CWF19L2: variants seen among roughly 807,000 people sequenced by gnomAD.
CWF19L2 encodes the protein CWF19 like cell cycle control factor 2.
Under a neutral mutation model 111.7 loss-of-function variants are expected in CWF19L2, and 98 were observed. The ratio of observed to expected loss-of-function variants is 0.88; its 90% CI spans 0.75 to 1.04. The LOEUF is 1.04. Among genes scored for constraint, CWF19L2 ranks in the 50% least tolerant of loss-of-function variants. The pLI is 0.00. For missense variants in CWF19L2, 1,101 were observed against 1,051.4 expected, an observed-to-expected ratio of 1.05 and a Z score of -0.65; for synonymous variants, 351 against 342.9, an observed-to-expected ratio of 1.02 and a Z score of -0.26.
At chr11:107,407,210 A>T (rs575748567) in intron 10 of CWF19L2, among the ~76,000 whole-genome samples, 9 of 152,258 alleles carry the variant, frequency 5.9e-5, no homozygotes, top group African/African-American at 1.9e-4. Flanking sequence ...TTCAGTTTTT[A>T]TAAAGCACAT....
intron 14 of CWF19L2, among the ~76,000 whole-genome samples, chr11:107,338,045 C>G (rs1424029868): frequency 6.6e-6 from 1 of 152,028 alleles, no homozygotes; most frequent in Non-Finnish European, 1.5e-5. Context: ...CTTCTGTTAC[C>G]CTTTTACTTT....
chr11:107,399,483 A>G (rs553636500), intron 10 of CWF19L2, among the ~76,000 whole-genome samples: 2 of 152,360 alleles, frequency 1.3e-5, no homozygotes, highest in East Asian at 1.9e-4. Flanking sequence ...AAAGAGGGAC[A>G]GTATATAATG....
At chr11:107,386,068 T>A (rs932590394) in intron 12 of CWF19L2, among the ~76,000 whole-genome samples, 1 of 152,224 alleles carries the variant, frequency 6.6e-6, no homozygotes, top group Admixed American at 6.5e-5. Context: ...ATAGCATATA[T>A]AGGGGTTTGG....
chr11:107,348,689 A>G, intron 14 of CWF19L2: 1 of 214,182 alleles, frequency 4.7e-6, no homozygotes, highest in Admixed American at 5.6e-5. Context: ...GATTTTTTTA[A>G]GTAAAAATAA....
intron 16 of CWF19L2, among the ~76,000 whole-genome samples, chr11:107,331,091 T>G (rs760112188): frequency 6.6e-6 from 1 of 152,182 alleles, no homozygotes; most frequent in Admixed American, 6.5e-5. Flanking sequence ...ACATTAAATA[T>G]GGAGAAATGG....
intron 10 of CWF19L2, chr11:107,403,951 C>A: frequency 4.5e-6 from 4 of 888,688 alleles, no homozygotes; most frequent in South Asian, 1.3e-5. Flanking sequence ...TAAGGACCTG[C>A]ATTCTAGCTG....
At chr11:107,420,312 A>G (rs1861285757) in intron 8 of CWF19L2, among the ~76,000 whole-genome samples, 1 of 152,156 alleles carries the variant, frequency 6.6e-6, no homozygotes, top group Non-Finnish European at 1.5e-5. Flanking sequence ...TTAAACATAA[A>G]AGGATAGAAA....
chr11:107,340,781 T>C (rs1273958229), intron 14 of CWF19L2, among the ~76,000 whole-genome samples: 1 of 152,212 alleles, frequency 6.6e-6, no homozygotes, highest in Non-Finnish European at 1.5e-5. Flanking sequence ...AGGAAGACTG[T>C]CATCTTTACT....
chr11:107,428,159 G>A (rs1268441264), intron 8 of CWF19L2, among the ~76,000 whole-genome samples: 3 of 151,828 alleles, frequency 2.0e-5, no homozygotes, highest in Non-Finnish European at 4.4e-5. Context: ...AATTTTCTTA[G>A]GTTTAGTCCC....
rs1365438638 is a variant in CWF19L2, at chr11:107,371,107, G to A, written c.1873-17371C>T. 3.2e-5 allele frequency among the ~76,000 whole-genome samples: 4 copies of A among 123,790 alleles called. 1 individual carries two copies. The highest frequency in any genetic ancestry group is 6.6e-5 in the Non-Finnish European group (4 of 60,840). 81.2% of individuals were successfully genotyped at this position (123,790 alleles called of 152,430 possible). A position where few individuals can be genotyped will look rare whatever the true frequency, so the allele number is the denominator to read the frequency against. On this transcript the variant is annotated intron_variant, in intron 12 of 17. Coordinates refer to ENST00000282251, the MANE Select transcript of CWF19L2 (RefSeq NM_152434.3). ...CGGCTCACTGCAAGCTCTGCCTCCC[G>A]GGTTCTCCTGCCTCATCCTCCTGAG...
chr11:107,403,410 T>A (rs1861034411), intron 10 of CWF19L2: 1 of 755,014 alleles, frequency 1.3e-6, no homozygotes, highest in East Asian at 2.5e-5. Context: ...TATTCTTTTT[T>A]CTCATCTTCT....
chr11:107,349,945 G>T (rs1461903791), intron 13 of CWF19L2, among the ~76,000 whole-genome samples: 1 of 151,998 alleles, frequency 6.6e-6, no homozygotes, highest in African/African-American at 2.4e-5. Flanking sequence ...AGAAATCACT[G>T]AATTTTCTAC....
chr11:107,348,188 T>A (rs562130101), intron 14 of CWF19L2, among the ~76,000 whole-genome samples: 5 of 152,174 alleles, frequency 3.3e-5, no homozygotes, highest in Admixed American at 6.6e-5. Flanking sequence ...TTTGACATAC[T>A]TATCAGCATG....
chr11:107,362,158 G>A (rs935785649), intron 12 of CWF19L2, among the ~76,000 whole-genome samples: 2 of 152,032 alleles, frequency 1.3e-5, no homozygotes, highest in Admixed American at 1.3e-4. Flanking sequence ...TCCCGCACCT[G>A]GCTCGGAGGG....
At chr11:107,441,960 T>A (rs957780945) in intron 4 of CWF19L2, among the ~76,000 whole-genome samples, 12 of 152,310 alleles carry the variant, frequency 7.9e-5, no homozygotes, top group African/African-American at 2.9e-4. Context: ...TGGCTAACAG[T>A]GGACAAATTA....
intron 10 of CWF19L2, among the ~76,000 whole-genome samples, chr11:107,402,743 G>A (rs557556281): frequency 6.6e-6 from 1 of 151,418 alleles, no homozygotes; most frequent in East Asian, 1.9e-4. Context: ...TCTATCCAAA[G>A]GAAAAGAAGT....
At chr11:107,414,000 A>T (rs1265990821) in intron 10 of CWF19L2, among the ~76,000 whole-genome samples, 1 of 152,094 alleles carries the variant, frequency 6.6e-6, no homozygotes, top group Non-Finnish European at 1.5e-5. Flanking sequence ...AAAAACAAGT[A>T]CTTTTGTGGG....
chr11:107,386,150 A>T (rs185572174), intron 12 of CWF19L2, among the ~76,000 whole-genome samples: 95 of 152,280 alleles, frequency 6.2e-4, no homozygotes, highest in African/African-American at 2.2e-3. Context: ...CATAGCTGAA[A>T]CTACAGATAA....
intron 10 of CWF19L2, among the ~76,000 whole-genome samples, chr11:107,405,372 A>T (rs1288796775): frequency 2.6e-5 from 4 of 152,218 alleles, no homozygotes; most frequent in African/African-American, 9.6e-5. Flanking sequence ...TAATAAAACT[A>T]ATTCAAAATC....
Sources: gnomAD v4.1 joint callset for allele counts (sites outside exome capture counted in the v4.1 genomes callset) on GRCh38, gnomAD v4.1.1 for gene constraint, MANE v1.5 for transcripts, NCBI Gene and HGNC (gene_info 2026-07-23, HGNC 2026-07-21) for gene names.